The following RMDN2 variants were observed in gnomAD, a reference collection of about 807,000 sequenced individuals.
RMDN2 encodes regulator of microtubule dynamics protein 2.
Under a neutral mutation model 52.8 loss-of-function variants are expected in RMDN2, and 61 were observed. That is an observed-to-expected ratio of 1.16 (90% confidence interval 0.94 to 1.43). The LOEUF (loss-of-function observed/expected upper bound fraction) is 1.43, where lower values mean the gene tolerates loss of function less well. Ranked by LOEUF, RMDN2 falls within the 40% of genes most tolerant of loss-of-function variation. RMDN2 has a pLI of 0.00. For missense variants in RMDN2, 592 were observed against 475.3 expected (o/e 1.25, Z -2.28); for synonymous variants, 180 against 153.1 (o/e 1.18, Z -1.30).
intron 2 of RMDN2, among the ~76,000 whole-genome samples, chr2:37,942,618 AGAT>A (rs1429650725): frequency 8.5e-5 from 13 of 152,248 alleles, no homozygotes; most frequent in African/African-American, 3.1e-4. Flanking sequence ...AACCTGATGA[AGAT>A]GAAATCGTAA....
intron 10 of RMDN2, among the ~76,000 whole-genome samples, chr2:38,058,460 C>G (rs903208504): frequency 6.6e-6 from 1 of 152,188 alleles, no homozygotes; most frequent in African/African-American, 2.4e-5. Flanking sequence ...TGTTAGCCCT[C>G]ATCAGCTTTT....
intron 7 of RMDN2, among the ~76,000 whole-genome samples, chr2:37,992,646 A>G (rs910367064): frequency 4.6e-5 from 7 of 152,232 alleles, no homozygotes; most frequent in African/African-American, 1.7e-4. Flanking sequence ...CACTTAAAAT[A>G]AGCTGCTTCT....
downstream of RMDN2, among the ~76,000 whole-genome samples, chr2:38,021,979 C>T (rs549633024): frequency 1.3e-5 from 2 of 152,192 alleles, no homozygotes; most frequent in Admixed American, 6.5e-5. Context: ...TCTGTCCAAT[C>T]CAGTGAGGGA....
intron 2 of RMDN2, among the ~76,000 whole-genome samples, chr2:37,972,296 T>G (rs1671909158): frequency 6.6e-6 from 1 of 152,154 alleles, no homozygotes; most frequent in Non-Finnish European, 1.5e-5. Context: ...GAAGATTACA[T>G]TTGAACAAAG....
chr2:37,997,757 G>T, intron 8 of RMDN2: 1 of 423,784 alleles, frequency 2.4e-6, no homozygotes, highest in South Asian at 2.7e-5. Context: ...AAATAACCCA[G>T]CAGCCTAAAT....
intron 2 of RMDN2, among the ~76,000 whole-genome samples, chr2:37,933,768 G>C (rs1164869869): frequency 6.7e-6 from 1 of 149,156 alleles, no homozygotes; most frequent in East Asian, 1.9e-4. Flanking sequence ...CGTGGAAAGA[G>C]AGGGAGAGAG....
chr2:37,991,073 T>G, intron 6 of RMDN2, 147 bp from the exon 7 acceptor site: 1 of 405,590 alleles, frequency 2.5e-6, no homozygotes, highest in Non-Finnish European at 4.5e-6. Flanking sequence ...ATTTAGTTAT[T>G]GATAAGATTT....
chr2:38,059,007 G>C (rs1681943378), intron 10 of RMDN2, among the ~76,000 whole-genome samples: 1 of 152,162 alleles, frequency 6.6e-6, no homozygotes, highest in African/African-American at 2.4e-5. Context: ...ACCCAAAGTA[G>C]TAATAAATAG....
At chr2:38,060,646 C>G (rs1315598342) in intron 10 of RMDN2, among the ~76,000 whole-genome samples, 2 of 152,150 alleles carry the variant, frequency 1.3e-5, no homozygotes. Context: ...CTGGGATTCA[C>G]AAACATCCAC....
chr2:37,971,588 A>G lies in RMDN2; in HGVS notation c.453-2452A>G, dbSNP rs563901923. Among the ~76,000 whole-genome samples, 3 of 152,010 alleles carry G rather than the reference A, an allele frequency of 2.0e-5. No individual in the cohort carries two copies. The East Asian group carries it at 5.8e-4, about 29-fold the overall frequency. ...TTCAATTTCATCTTTTTCCATAGAG[A>G]TAACAATTTTTCCCATCTGAATGCC... On this transcript the variant is annotated intron_variant, in intron 2 of 10. Coordinates refer to ENST00000354545, the MANE Select transcript of RMDN2 (RefSeq NM_001170791.3).
At chr2:37,948,103 CTGT>C (rs1668376694) in intron 2 of RMDN2, among the ~76,000 whole-genome samples, 1 of 152,154 alleles carries the variant, frequency 6.6e-6, no homozygotes, top group Non-Finnish European at 1.5e-5. Flanking sequence ...AAATTGTGGT[CTGT>C]GGACCAGCAA....
chr2:38,051,864 TA>T (rs1381772422), intron 10 of RMDN2, among the ~76,000 whole-genome samples: 1 of 152,194 alleles, frequency 6.6e-6, no homozygotes, highest in African/African-American at 2.4e-5. Flanking sequence ...TTTTTTTTTT[TA>T]TGGTTGAACA....
In RMDN2 at chr2:38,017,285, T is replaced by G; in HGVS notation, c.*46T>G. 6.8e-7 allele frequency: 1 copy of G among 1,478,300 alleles called. No individual in the cohort carries two copies. Among genetic ancestry groups the G allele is most frequent in the Non-Finnish European group, 9.0e-7 (1 of 1,111,614 alleles). 91.6% of individuals were successfully genotyped at this position (1,478,300 alleles called of 1,614,324 possible). On this transcript the variant is annotated 3_prime_UTR_variant, in exon 11 of 11. Transcript: ENST00000354545. Reference sequence around the variant, plus strand: ...ACAAATCAGATGTGGTCTACCAAAATTTAAATGAATCAAAGTTGTGCTTTT... The same window carrying G: ...ACAAATCAGATGTGGTCTACCAAAAGTTAAATGAATCAAAGTTGTGCTTTT...
chr2:37,977,397 C>A (rs1249265098), intron 4 of RMDN2, among the ~76,000 whole-genome samples: 1 of 152,214 alleles, frequency 6.6e-6, no homozygotes, highest in Non-Finnish European at 1.5e-5. Flanking sequence ...AGGGGCTCCT[C>A]ACTTCCCAGA....
intron 2 of RMDN2, among the ~76,000 whole-genome samples, chr2:37,963,729 A>G (rs996468627): frequency 4.2e-4 from 64 of 152,332 alleles, no homozygotes; most frequent in Non-Finnish European, 7.5e-4. Flanking sequence ...CTACACAGAC[A>G]CAGCAACAAT....
Position 37,974,049 on chromosome 2 carries a change from A to C in RMDN2, c.462A>C (p.Thr154=), listed in dbSNP as rs866634531. 6.8e-6 allele frequency: 11 copies of C among 1,608,670 alleles called. No individual in the cohort carries two copies. The Middle Eastern group carries it at 9.9e-4, about 144-fold the overall frequency. The change falls in exon 3 of 11, where the codon ACA becomes ACC. Residue 154 remains threonine, a synonymous_variant. Coordinates refer to ENST00000354545, the MANE Select transcript of RMDN2 (RefSeq NM_001170791.3). ...ATTTCTGCGATTTTAGGTATATTACAGCTAATACTGACACAGAAGAACAGA... is the reference window on the plus strand; with the variant it reads ...ATTTCTGCGATTTTAGGTATATTACCGCTAATACTGACACAGAAGAACAGA... The part of the protein sequence containing the change: ...EEAESEGGYI[T]ANTDTEEQSF...
intron 5 of RMDN2, among the ~76,000 whole-genome samples, chr2:37,983,682 T>A (rs1455312168): frequency 1.3e-5 from 2 of 152,306 alleles, no homozygotes; most frequent in East Asian, 1.9e-4. Flanking sequence ...ATTTAAACTT[T>A]GACTTGAGAA....
chr2:37,953,435 G>A (rs917989849), intron 2 of RMDN2, among the ~76,000 whole-genome samples: 1 of 151,910 alleles, frequency 6.6e-6, no homozygotes, highest in Non-Finnish European at 1.5e-5. Context: ...AAGTGGAATC[G>A]TATGGTATTT....
chr2:37,929,012 T>C (rs961210897), intron 1 of RMDN2: 5 of 258,982 alleles, frequency 1.9e-5, no homozygotes, highest in Admixed American at 5.0e-5. Context: ...TTTGTTTGTT[T>C]GTTTTTTAGT....
Sources: allele counts gnomAD v4.1 joint callset (sites outside exome capture counted in the v4.1 genomes callset), GRCh38; gene constraint gnomAD v4.1.1; transcripts MANE v1.5; gene names NCBI Gene and HGNC (gene_info 2026-07-23, HGNC 2026-07-21).